MAPK10: variants seen among roughly 807,000 people sequenced by gnomAD.
The protein encoded by MAPK10 is mitogen-activated protein kinase 10.
A neutral mutation model predicts 59.3 loss-of-function variants in MAPK10; 25 were observed. The ratio of observed to expected loss-of-function variants is 0.42; its 90% CI spans 0.31 to 0.59. MAPK10 has a LOEUF of 0.59. Ranked by LOEUF, MAPK10 falls within the 20% of genes least tolerant of loss-of-function variation. The pLI is 0.15. For synonymous variants in MAPK10, 190 were observed against 200.5 expected, an observed-to-expected ratio of 0.95 and a Z score of 0.44; for missense variants, 351 against 568.9, an observed-to-expected ratio of 0.62 and a Z score of 3.90.
At chr4:86,429,274 C>T (rs1011879566) in intron 1 of MAPK10, among the ~76,000 whole-genome samples, 4 of 152,026 alleles carry the variant, frequency 2.6e-5, no homozygotes, top group African/African-American at 7.2e-5. Flanking sequence ...ATGGTACATT[C>T]GACTTAATCT....
intron 1 of MAPK10, among the ~76,000 whole-genome samples, chr4:86,416,251 G>A (rs1352665010): frequency 6.6e-6 from 1 of 152,204 alleles, no homozygotes; most frequent in Non-Finnish European, 1.5e-5. Flanking sequence ...GCATCTGCAA[G>A]CCAAGGAGAG....
intron 1 of MAPK10, among the ~76,000 whole-genome samples, chr4:86,382,272 G>A (rs1740838749): frequency 6.6e-6 from 1 of 151,998 alleles, no homozygotes; most frequent in African/African-American, 2.4e-5. Flanking sequence ...ATTCGGAGAG[G>A]CATAACTCCT....
chr4:86,372,564 G>GAAAGAAAGAA, intron 1 of MAPK10, among the ~76,000 whole-genome samples: 5 of 78,716 alleles, frequency 6.4e-5, no homozygotes, highest in African/African-American at 1.8e-4. Flanking sequence ...AAGAAAGAAA[G>GAAAGAAAGAA]AAAGAAAAGA....
chr4:86,223,240 G>C (rs2089994332), intron 2 of MAPK10, among the ~76,000 whole-genome samples: 1 of 152,106 alleles, frequency 6.6e-6, no homozygotes, highest in Admixed American at 6.5e-5. Flanking sequence ...GAAGCCTCTA[G>C]AATCTGCCCA....
At chr4:86,104,489 T>A (rs967004233) in intron 5 of MAPK10, among the ~76,000 whole-genome samples, 2 of 152,150 alleles carry the variant, frequency 1.3e-5, no homozygotes, top group Non-Finnish European at 2.9e-5. Flanking sequence ...AAGTACACCT[T>A]TCATTGGAAC....
intron 1 of MAPK10, among the ~76,000 whole-genome samples, chr4:86,406,882 T>C (rs1262046679): frequency 6.6e-6 from 1 of 152,188 alleles, no homozygotes; most frequent in Non-Finnish European, 1.5e-5. Flanking sequence ...CGACAGCATG[T>C]AGTTAACAAC....
At chr4:86,389,763 A>T (rs1275045207) in intron 1 of MAPK10, among the ~76,000 whole-genome samples, 1 of 152,224 alleles carries the variant, frequency 6.6e-6, no homozygotes. Context: ...TAGAGGAAAT[A>T]TTGTATGATG....
chr4:86,270,268 T>A (rs962282358), intron 2 of MAPK10, among the ~76,000 whole-genome samples: 2 of 152,020 alleles, frequency 1.3e-5, no homozygotes, highest in African/African-American at 4.8e-5. Context: ...GTTTGACTTA[T>A]AAGACTCAAC....
At chr4:86,031,633 A>G (rs1010479788) in intron 11 of MAPK10, 1 of 492,712 alleles carries the variant, frequency 2.0e-6, no homozygotes, top group Non-Finnish European at 3.6e-6. Flanking sequence ...TTTGCTGCTG[A>G]CCCAATATTG....
intron 13 of MAPK10, among the ~76,000 whole-genome samples, chr4:86,021,165 T>G (rs369759118): frequency 1.2e-3 from 183 of 151,788 alleles, no homozygotes; most frequent in Middle Eastern, 0.01. Flanking sequence ...TCACAAACCT[T>G]GAGCTAAACA....
chr4:86,123,299 T>C (rs1435252786), intron 4 of MAPK10, among the ~76,000 whole-genome samples: 1 of 152,122 alleles, frequency 6.6e-6, no homozygotes, highest in Admixed American at 6.6e-5. Context: ...ATTCATCTTC[T>C]GATGAACACT....
rs878973717 is a variant in MAPK10 at position 86,103,077 on chromosome 4, G to GTGTA, written c.425+108_425+109insTACA. 2,930 of 476,736 alleles carry GTGTA rather than the reference G, an allele frequency of 6.1e-3. 13 individuals carry two copies. Among genetic ancestry groups the GTGTA allele is most frequent in the South Asian group, 9.3e-3 (355 of 38,284 alleles). 29.5% of individuals were successfully genotyped at this position (476,736 alleles called of 1,614,324 possible). On this transcript the variant is annotated intron_variant, in intron 6 of 13. Transcript: ENST00000641462. ...GAGCAGTATAAGGGATTTCAACTCT[G>GTGTA]TGTGTGTGTGTGTGTGTGTGTGTGT...
In MAPK10 at chr4:86,581,660, C is replaced by CT. The variant is rs563709894; in HGVS notation, c.-263+12249dup. 1.2e-4 allele frequency among the ~76,000 whole-genome samples: 16 copies of CT among 138,022 alleles called. No individual in the cohort carries two copies. In the South Asian group the frequency reaches 1.6e-3, roughly 14 times the overall value. 90.5% of individuals were successfully genotyped at this position (138,022 alleles called of 152,430 possible). ...TGGTTGTTTTGTATAACTAAGCTAT[C>CT]TTTTTTTTTCAGTTATTGTGTGTGT... On this transcript the variant is annotated intron_variant, in intron 1 of 4. Coordinates refer to the MAPK10 transcript ENST00000502302.
chr4:86,021,948 C>G (rs796108379), intron 13 of MAPK10, among the ~76,000 whole-genome samples: 1 of 152,242 alleles, frequency 6.6e-6, no homozygotes, highest in Non-Finnish European at 1.5e-5. Flanking sequence ...CCAGCTGGCC[C>G]GCAAGCGCCG....
chr4:86,145,986 T>A (rs970887764), intron 4 of MAPK10, among the ~76,000 whole-genome samples: 1 of 152,166 alleles, frequency 6.6e-6, no homozygotes, highest in Non-Finnish European at 1.5e-5. Flanking sequence ...AAAATACAGT[T>A]GAAAAACTAA....
At chr4:86,281,344 CA>C (rs1168097024) in intron 2 of MAPK10, among the ~76,000 whole-genome samples, 2 of 151,186 alleles carry the variant, frequency 1.3e-5, no homozygotes, top group African/African-American at 2.4e-5. Flanking sequence ...ACTAAAACTA[CA>C]AAAAAATTAG....
At chr4:86,331,248 A>T (rs2096145550) in intron 2 of MAPK10, among the ~76,000 whole-genome samples, 1 of 152,180 alleles carries the variant, frequency 6.6e-6, no homozygotes, top group African/African-American at 2.4e-5. Flanking sequence ...ACCAAACCAT[A>T]AGAGTCAGAA....
chr4:86,135,289 T>C (rs2061773063), intron 4 of MAPK10, among the ~76,000 whole-genome samples: 1 of 152,198 alleles, frequency 6.6e-6, no homozygotes, highest in South Asian at 2.1e-4. Flanking sequence ...TGTCCCTGTC[T>C]GACAGCTTTG....
chr4:86,178,007 C>T lies in MAPK10; in HGVS notation c.66+16329G>A, dbSNP rs185651340. 2.1e-4 allele frequency among the ~76,000 whole-genome samples: 32 copies of T among 152,078 alleles called. 1 individual carries two copies. The South Asian group carries it at 4.6e-3, about 22-fold the overall frequency. On this transcript the variant is annotated intron_variant, in intron 3 of 13. Transcript: ENST00000641462. Reference sequence around the variant, plus strand: ...TAATCTTGGCTATTATATCTTACAACGTAAAATGCCAAAAAAAGTAAGAAT... The same window carrying T: ...TAATCTTGGCTATTATATCTTACAATGTAAAATGCCAAAAAAAGTAAGAAT...
Sources: allele counts gnomAD v4.1 joint callset (sites outside exome capture counted in the v4.1 genomes callset), GRCh38; gene constraint gnomAD v4.1.1; transcripts MANE v1.5; gene names NCBI Gene and HGNC (gene_info 2026-07-23, HGNC 2026-07-21).